The following MACROD2 variants were observed in gnomAD, a reference collection of about 807,000 sequenced individuals.
MACROD2 encodes mono-ADP ribosylhydrolase 2, also known as ADP-ribose glycohydrolase MACROD2.
MACROD2 carries 36 observed loss-of-function variants against 70.4 expected under a neutral mutation model. That is an observed-to-expected ratio of 0.51 (90% CI 0.39 to 0.68). MACROD2 has a LOEUF of 0.68. Ranked by LOEUF, MACROD2 falls within the 30% of genes least tolerant of loss-of-function variation. The pLI is 0.00. For synonymous variants in MACROD2, 172 were observed against 178.8 expected (o/e 0.96, Z 0.30); for missense variants, 496 against 538.4 (o/e 0.92, Z 0.78).
intron 7 of MACROD2, among the ~76,000 whole-genome samples, chr20:15,461,004 A>ATTTT (rs1441910465): frequency 2.4e-3 from 115 of 47,770 alleles, no homozygotes; most frequent in Middle Eastern, 0.031. Context: ...ATATATATAT[A>ATTTT]TATTTTTTTT....
intron 4 of MACROD2, among the ~76,000 whole-genome samples, chr20:14,520,974 C>CGCAA (rs1336206260): frequency 6.6e-6 from 1 of 151,616 alleles, no homozygotes; most frequent in Admixed American, 6.6e-5. Flanking sequence ...CACACACACA[C>CGCAA]GCACACACAC....
chr20:16,048,472 A>C (rs2147627512), intron 17 of MACROD2, among the ~76,000 whole-genome samples: 1 of 152,288 alleles, frequency 6.6e-6, no homozygotes, highest in South Asian at 2.1e-4. Flanking sequence ...AAGACATGTT[A>C]AGTTCAATAA....
chr20:15,070,551 C>T (rs1369946799), intron 5 of MACROD2, among the ~76,000 whole-genome samples: 1 of 152,084 alleles, frequency 6.6e-6, no homozygotes, highest in African/African-American at 2.4e-5. Context: ...GCAGATCCCT[C>T]ATGAATGGCT....
chr20:14,918,617 G>T (rs202216808), intron 5 of MACROD2, among the ~76,000 whole-genome samples: 10,587 of 127,026 alleles, frequency 0.083, 477 homozygotes, highest in East Asian at 0.24. Flanking sequence ...TGTTTTTTTT[G>T]TTTTTTTTTT....
intron 3 of MACROD2, among the ~76,000 whole-genome samples, chr20:14,307,758 A>T (rs1489599471): frequency 6.6e-6 from 1 of 152,096 alleles, no homozygotes; most frequent in Non-Finnish European, 1.5e-5. Context: ...ATTTTTTCTA[A>T]TTTAGCTTTA....
intron 4 of MACROD2, among the ~76,000 whole-genome samples, chr20:14,684,355 A>G (rs1227430071): frequency 6.6e-6 from 1 of 152,060 alleles, no homozygotes; most frequent in Non-Finnish European, 1.5e-5. Flanking sequence ...GGTGAGCACA[A>G]ATGTTTCAGA....
At chr20:14,517,715 T>C (rs997963081) in intron 4 of MACROD2, among the ~76,000 whole-genome samples, 4 of 152,128 alleles carry the variant, frequency 2.6e-5, no homozygotes, top group African/African-American at 9.7e-5. Context: ...GTATTGTATA[T>C]AGGATGAGGT....
chr20:15,926,010 G>T (rs1568645378), intron 10 of MACROD2, among the ~76,000 whole-genome samples: 2 of 152,176 alleles, frequency 1.3e-5, no homozygotes, highest in African/African-American at 4.8e-5. Context: ...CCCCAAACTG[G>T]CTACACATGC....
intron 2 of MACROD2, among the ~76,000 whole-genome samples, chr20:14,013,674 C>CTTTTTTTTTTTTT (rs34386274): frequency 1.4e-5 from 1 of 70,944 alleles, no homozygotes; most frequent in Non-Finnish European, 2.4e-5. Context: ...TTATATTAAG[C>CTTTTTTTTTTTTT]TTTTTTTTTT....
intron 3 of MACROD2, among the ~76,000 whole-genome samples, chr20:14,230,667 G>T (rs2081798753): frequency 8.5e-5 from 2 of 23,558 alleles, no homozygotes; most frequent in African/African-American, 2.8e-4. Flanking sequence ...CACAGGCTGG[G>T]CCTATATATA....
At chr20:15,002,032 G>T (rs781632578) in intron 5 of MACROD2, among the ~76,000 whole-genome samples, 1 of 151,974 alleles carries the variant, frequency 6.6e-6, no homozygotes, top group Non-Finnish European at 1.5e-5. Context: ...CATTCGGGCT[G>T]GTTTCATATT....
At chr20:14,901,695 A>G (rs749121808) in intron 5 of MACROD2, among the ~76,000 whole-genome samples, 2 of 152,208 alleles carry the variant, frequency 1.3e-5, no homozygotes, top group Non-Finnish European at 2.9e-5. Context: ...CAAAATCGGC[A>G]TCATAATTAT....
intron 5 of MACROD2, among the ~76,000 whole-genome samples, chr20:15,082,523 G>GTTTTTTTTTT (rs753606217): frequency 9.8e-6 from 1 of 101,746 alleles, no homozygotes. Flanking sequence ...ACTGCAAGAG[G>GTTTTTTTTTT]TTTTTTTTTT....
intron 5 of MACROD2, among the ~76,000 whole-genome samples, chr20:15,020,134 T>A (rs926645545): frequency 2.6e-5 from 4 of 152,098 alleles, no homozygotes; most frequent in Non-Finnish European, 5.9e-5. Flanking sequence ...CAGGCTATAG[T>A]TTGCCTACTT....
At chr20:14,945,182 A>AAC (rs2074421389) in intron 5 of MACROD2, among the ~76,000 whole-genome samples, 1 of 149,674 alleles carries the variant, frequency 6.7e-6, no homozygotes, top group Non-Finnish European at 1.5e-5. Context: ...AGTGGGCCTG[A>AAC]TCTTGGCTCA....
intron 3 of MACROD2, among the ~76,000 whole-genome samples, chr20:14,216,719 G>A (rs575701479): frequency 2.0e-5 from 3 of 151,920 alleles, no homozygotes; most frequent in Non-Finnish European, 2.9e-5. Flanking sequence ...GAGGTCTTTC[G>A]ACTCCTTGGT....
intron 8 of MACROD2, among the ~76,000 whole-genome samples, chr20:15,666,204 G>A (rs1035566553): frequency 3.3e-5 from 5 of 152,058 alleles, no homozygotes; most frequent in Admixed American, 6.6e-5. Context: ...TCCCAAAAAC[G>A]CAAATAATGT....
chr20:15,894,719 C>T (rs914702175), intron 10 of MACROD2, among the ~76,000 whole-genome samples: 1 of 152,204 alleles, frequency 6.6e-6, no homozygotes, highest in Non-Finnish European at 1.5e-5. Flanking sequence ...TCAGTGATGG[C>T]TGTTGTTATC....
At chr20:14,782,518 A>G (rs1474645337) in intron 5 of MACROD2, among the ~76,000 whole-genome samples, 3 of 152,138 alleles carry the variant, frequency 2.0e-5, no homozygotes, top group Admixed American at 6.5e-5. Context: ...GCTTACGAGG[A>G]CATTAACATC....
Sources: allele counts gnomAD v4.1 joint callset (sites outside exome capture counted in the v4.1 genomes callset), GRCh38; gene constraint gnomAD v4.1.1; transcripts MANE v1.5; gene names NCBI Gene and HGNC (gene_info 2026-07-23, HGNC 2026-07-21).